Variants in NAV2 observed in about 807,000 individuals in gnomAD.
The protein encoded by NAV2 is helicase, APC down-regulated 1.
NAV2 carries 54 observed loss-of-function variants against 223.2 expected under a neutral mutation model. That is an observed-to-expected ratio of 0.24 (90% CI 0.19 to 0.30). The LOEUF (loss-of-function observed/expected upper bound fraction) is 0.30, where lower values mean the gene tolerates loss of function less well. Among genes scored for constraint, NAV2 ranks in the 10% least tolerant of loss-of-function variants. The pLI is 1.00. For synonymous variants in NAV2, 1,279 were observed against 1,239.3 expected (o/e 1.03, Z -0.67); for missense variants, 2,806 against 3,147.5 (o/e 0.89, Z 2.60).
intron 9 of NAV2, among the ~76,000 whole-genome samples, chr11:19,947,302 C>G (rs1216834646): frequency 6.6e-6 from 1 of 152,192 alleles, no homozygotes; most frequent in African/African-American, 2.4e-5. Flanking sequence ...GGGGTCCAAT[C>G]TGAGAAAAAT....
chr11:20,020,557 C>G (rs1354113153), intron 11 of NAV2, among the ~76,000 whole-genome samples: 1 of 152,170 alleles, frequency 6.6e-6, no homozygotes, highest in African/African-American at 2.4e-5. Context: ...GAACCTGTAG[C>G]TGCAAATAAT....
At chr11:20,085,986 C>T (rs558259620) in intron 26 of NAV2, among the ~76,000 whole-genome samples, 4 of 152,296 alleles carry the variant, frequency 2.6e-5, no homozygotes, top group South Asian at 4.1e-4. Context: ...GGCAGTCTTC[C>T]TGACCCAAAA....
At chr11:20,106,353 G>C (rs115309304) in intron 35 of NAV2, among the ~76,000 whole-genome samples, 3,999 of 147,570 alleles carry the variant, frequency 0.027, 180 homozygotes, top group African/African-American at 0.093. Context: ...CAAGTTAAGA[G>C]TTCGAAACCA....
intron 1 of NAV2, among the ~76,000 whole-genome samples, chr11:19,602,341 C>A (rs2135252871): frequency 6.6e-6 from 1 of 152,104 alleles, no homozygotes; most frequent in East Asian, 1.9e-4. Flanking sequence ...CCATGCCCGG[C>A]TAATTTTTGT....
At chr11:19,640,060 A>G (rs183773285) in intron 1 of NAV2, among the ~76,000 whole-genome samples, 120 of 152,338 alleles carry the variant, frequency 7.9e-4, no homozygotes, top group Admixed American at 1.1e-3. Flanking sequence ...GAACGAAGAA[A>G]CCTACTAAGC....
At chr11:19,791,234 G>C (rs17602691) in intron 1 of NAV2, among the ~76,000 whole-genome samples, 11,017 of 152,208 alleles carry the variant, frequency 0.072, 422 homozygotes, top group Non-Finnish European at 0.096. Context: ...GGACAGCAGA[G>C]GAGGATGGAG....
intron 1 of NAV2, among the ~76,000 whole-genome samples, chr11:19,720,244 G>C (rs2050645717): frequency 6.6e-6 from 1 of 152,218 alleles, no homozygotes; most frequent in Admixed American, 6.5e-5. Context: ...GAATGGCTTG[G>C]GCAGAATGGG....
At chr11:19,564,571 G>A (rs2045205289) in intron 1 of NAV2, among the ~76,000 whole-genome samples, 1 of 152,032 alleles carries the variant, frequency 6.6e-6, no homozygotes, top group Non-Finnish European at 1.5e-5. Context: ...CCATTTGGAG[G>A]AGCAACTGCG....
chr11:20,078,130 C>T lies in NAV2; in HGVS notation c.5179+26C>T, dbSNP rs897418364. On this transcript the variant is annotated intron_variant, in intron 24 of 37. Coordinates refer to ENST00000349880, the MANE Select transcript of NAV2 (RefSeq NM_145117.5). The stretch of plus-strand genomic sequence containing the variant: ...GTAAAGTAAGGGAAACAGCCTTTAG[C>T]CAGAAGACCTGCCTGCCCTTAGGAG... 3.2e-6 allele frequency: 5 copies of T among 1,548,284 alleles called. No individual in the cohort carries two copies. The African/African-American group carries it at 6.8e-5, about 21-fold the overall frequency.
At chr11:19,803,517 C>T (rs747024900) in intron 1 of NAV2, among the ~76,000 whole-genome samples, 1 of 152,228 alleles carries the variant, frequency 6.6e-6, no homozygotes, top group Non-Finnish European at 1.5e-5. Context: ...AAGTTACTTA[C>T]CTCTGTAGAG....
chr11:19,859,739 T>A (rs2061587840), intron 3 of NAV2, among the ~76,000 whole-genome samples: 1 of 149,930 alleles, frequency 6.7e-6, no homozygotes, highest in African/African-American at 2.5e-5. Context: ...GCCCCTCACC[T>A]CCCGGACCGG....
At chr11:19,762,952 A>G (rs2054891443) in intron 1 of NAV2, among the ~76,000 whole-genome samples, 1 of 152,020 alleles carries the variant, frequency 6.6e-6, no homozygotes, top group Non-Finnish European at 1.5e-5. Flanking sequence ...TCTACTCCAT[A>G]GGGTCTTTTG....
At chr11:19,901,208 C>A (rs1008819851) in intron 6 of NAV2, among the ~76,000 whole-genome samples, 2 of 152,172 alleles carry the variant, frequency 1.3e-5, no homozygotes, top group African/African-American at 4.8e-5. Context: ...GGCACTGGAG[C>A]TTGAGAACCC....
chr11:19,751,825 G>A (rs1336125085), intron 1 of NAV2, among the ~76,000 whole-genome samples: 3 of 152,190 alleles, frequency 2.0e-5, no homozygotes, highest in African/African-American at 7.2e-5. Context: ...AGAGCAGAGA[G>A]GGATTAGATA....
At chr11:19,428,753 G>A (rs1850932355) in intron 1 of NAV2, among the ~76,000 whole-genome samples, 1 of 152,176 alleles carries the variant, frequency 6.6e-6, no homozygotes, top group Admixed American at 6.5e-5. Flanking sequence ...AGAGAATCAG[G>A]GTGGGAAGAG....
At chr11:19,777,572 C>G (rs1380025282) in intron 1 of NAV2, 1 of 454,646 alleles carries the variant, frequency 2.2e-6, no homozygotes, top group Non-Finnish European at 4.4e-6. Flanking sequence ...TTTTAACCCC[C>G]CACCCCGCCC....
intron 1 of NAV2, among the ~76,000 whole-genome samples, chr11:19,559,896 T>TC (rs2045037644): frequency 6.6e-6 from 1 of 152,064 alleles, no homozygotes; most frequent in South Asian, 2.1e-4. Flanking sequence ...TGAGCCCTTC[T>TC]CCCCCTGGGG....
chr11:19,472,688 T>G (rs2042001109), intron 1 of NAV2, among the ~76,000 whole-genome samples: 1 of 152,128 alleles, frequency 6.6e-6, no homozygotes, highest in Admixed American at 6.5e-5. Context: ...CAGGAAGTGT[T>G]GTTACCTTCC....
chr11:19,808,261 C>G (rs1219955109), intron 1 of NAV2, among the ~76,000 whole-genome samples: 2 of 152,140 alleles, frequency 1.3e-5, no homozygotes, highest in Non-Finnish European at 2.9e-5. Context: ...CTGAGGGGCA[C>G]CAGCTGGAGA....
Sources: allele counts gnomAD v4.1 joint callset (sites outside exome capture counted in the v4.1 genomes callset), GRCh38; gene constraint gnomAD v4.1.1; transcripts MANE v1.5; gene names NCBI Gene and HGNC (gene_info 2026-07-23, HGNC 2026-07-21).